The following LRMDA variants were observed in gnomAD, a reference collection of about 807,000 sequenced individuals.
The protein encoded by LRMDA is leucine rich melanocyte differentiation associated, also known as leucine-rich melanocyte differentiation-associated protein.
In LRMDA, 18 loss-of-function variants were observed where a neutral mutation model predicts 29.8. The observed-to-expected ratio is 0.60, with a 90% CI of 0.42 to 0.90. The LOEUF (loss-of-function observed/expected upper bound fraction) is 0.90, where lower values mean the gene tolerates loss of function less well. Among genes scored for constraint, LRMDA ranks in the 40% least tolerant of loss-of-function variants. The probability of loss-of-function intolerance (pLI) is 0.00; values close to 1 mark genes in which losing one functional copy is unlikely to be tolerated. For missense variants in LRMDA, 273 were observed against 273.9 expected (o/e 1.00, Z 0.02); for synonymous variants, 125 against 109.4 (o/e 1.14, Z -0.89).
At chr10:75,452,431 T>C (rs192604248) in intron 2 of LRMDA, among the ~76,000 whole-genome samples, 3 of 152,278 alleles carry the variant, frequency 2.0e-5, no homozygotes, top group Admixed American at 2.0e-4. Context: ...TGTTTTTTCT[T>C]GCAAATTTTA....
At chr10:76,479,738 C>T (rs1842717166) in intron 6 of LRMDA, among the ~76,000 whole-genome samples, 1 of 151,850 alleles carries the variant, frequency 6.6e-6, no homozygotes, top group Non-Finnish European at 1.5e-5. Context: ...TTTCATGTAC[C>T]TAAAAAGAGT....
intron 5 of LRMDA, among the ~76,000 whole-genome samples, chr10:76,140,346 C>T (rs1850176022): frequency 6.6e-6 from 1 of 152,106 alleles, no homozygotes; most frequent in Non-Finnish European, 1.5e-5. Flanking sequence ...ATCTGCAGAA[C>T]AAAATCTGAA....
At chr10:75,701,120 G>A (rs1842303425) in intron 2 of LRMDA, among the ~76,000 whole-genome samples, 1 of 152,166 alleles carries the variant, frequency 6.6e-6, no homozygotes, top group South Asian at 2.1e-4. Context: ...GTGGCATTGG[G>A]AAGGGGAGTC....
At chr10:76,182,496 G>A (rs1206886923) in intron 5 of LRMDA, among the ~76,000 whole-genome samples, 1 of 152,180 alleles carries the variant, frequency 6.6e-6, no homozygotes, top group Admixed American at 6.5e-5. Flanking sequence ...ATGAACAGAC[G>A]ATGCTATTGT....
chr10:76,513,582 G>A (rs1340653662), intron 6 of LRMDA, among the ~76,000 whole-genome samples: 1 of 152,184 alleles, frequency 6.6e-6, no homozygotes, highest in Non-Finnish European at 1.5e-5. Context: ...GGCTTAAGTA[G>A]AGTTTGAATT....
At chr10:75,537,480 A>G (rs957974057) in intron 2 of LRMDA, among the ~76,000 whole-genome samples, 1 of 152,170 alleles carries the variant, frequency 6.6e-6, no homozygotes, top group African/African-American at 2.4e-5. Context: ...GTCAGGATTA[A>G]ATGAGACCCT....
chr10:75,737,783 A>G (rs1365915454), intron 2 of LRMDA, among the ~76,000 whole-genome samples: 3 of 152,192 alleles, frequency 2.0e-5, no homozygotes, highest in African/African-American at 7.2e-5. Flanking sequence ...TAATAGAAAT[A>G]TAATCCTGAA....
chr10:75,855,880 T>C (rs1336123866), intron 2 of LRMDA, among the ~76,000 whole-genome samples: 2 of 152,208 alleles, frequency 1.3e-5, no homozygotes, highest in South Asian at 2.1e-4. Context: ...GTTGTAGATA[T>C]GCGGCATTAT....
intron 5 of LRMDA, among the ~76,000 whole-genome samples, chr10:76,284,700 T>C (rs573748666): frequency 1.3e-5 from 2 of 152,324 alleles, no homozygotes; most frequent in East Asian, 3.9e-4. Flanking sequence ...TCATCTTGAA[T>C]TGTGGCTCCC....
At chr10:75,696,903 G>T (rs1842241964) in intron 2 of LRMDA, among the ~76,000 whole-genome samples, 1 of 152,144 alleles carries the variant, frequency 6.6e-6, no homozygotes, top group African/African-American at 2.4e-5. Context: ...TCCTTCGTTG[G>T]CAGATCTCAG....
chr10:75,432,831 T>C (rs1844217698), intron 1 of LRMDA, among the ~76,000 whole-genome samples: 1 of 152,206 alleles, frequency 6.6e-6, no homozygotes, highest in South Asian at 2.1e-4. Context: ...CAGAGTCCTG[T>C]CGTTTCATCA....
chr10:75,896,027 C>T (rs771254293), intron 2 of LRMDA, among the ~76,000 whole-genome samples: 26 of 152,122 alleles, frequency 1.7e-4, no homozygotes, highest in South Asian at 2.1e-4. Context: ...ATAATAGAAG[C>T]ATCATCCTTA....
At position 75,514,913 on chromosome 10, in the gene LRMDA, G is replaced by A. The variant is rs548411781; in HGVS notation, c.131+76419G>A. Among the ~76,000 whole-genome samples the A allele has an allele frequency of 2.4e-4, 37 of 152,110 alleles. 1 individual carries two copies. The South Asian group carries it at 3.8e-3, about 15-fold the overall frequency. ...AGAGGCTGTGCCTGAAAGGAGTCTC[G>A]GTGAAGGTGACTGGGCCTTTCCGAT... is the stretch of plus-strand genomic sequence containing the variant. On this transcript the variant is annotated intron_variant, in intron 2 of 6. Transcript: ENST00000611255.
intron 5 of LRMDA, among the ~76,000 whole-genome samples, chr10:76,161,328 T>G (rs2132178885): frequency 6.6e-6 from 1 of 152,292 alleles, no homozygotes; most frequent in South Asian, 2.1e-4. Context: ...CACGTTGTAC[T>G]TGAACAGCTT....
chr10:76,114,875 G>T (rs1456628333), intron 5 of LRMDA, among the ~76,000 whole-genome samples: 1 of 152,230 alleles, frequency 6.6e-6, no homozygotes, highest in African/African-American at 2.4e-5. Context: ...GCCAGGGCTT[G>T]CTTGTCCCCC....
intron 2 of LRMDA, among the ~76,000 whole-genome samples, chr10:75,573,303 T>A (rs181280219): frequency 6.6e-6 from 1 of 152,340 alleles, no homozygotes; most frequent in Admixed American, 6.5e-5. Context: ...CTTTATTCAG[T>A]CTAAGAATTC....
At chr10:75,542,424 A>G (rs768082203) in intron 2 of LRMDA, among the ~76,000 whole-genome samples, 2 of 152,124 alleles carry the variant, frequency 1.3e-5, no homozygotes, top group Non-Finnish European at 2.9e-5. Context: ...GTTTCCAGCC[A>G]TCCTGTTTAG....
chr10:75,696,124 A>G (rs910610266), intron 2 of LRMDA, among the ~76,000 whole-genome samples: 1 of 152,252 alleles, frequency 6.6e-6, no homozygotes, highest in Admixed American at 6.5e-5. Flanking sequence ...AACAATGATA[A>G]TTTTAATTTC....
intron 6 of LRMDA, among the ~76,000 whole-genome samples, chr10:76,372,276 T>G (rs921722727): frequency 3.9e-5 from 6 of 152,154 alleles, no homozygotes; most frequent in Non-Finnish European, 8.8e-5. Flanking sequence ...CTGATACTTT[T>G]CCACTGGAGG....
Sources: allele counts gnomAD v4.1 joint callset (sites outside exome capture counted in the v4.1 genomes callset), GRCh38; gene constraint gnomAD v4.1.1; transcripts MANE v1.5; gene names NCBI Gene and HGNC (gene_info 2026-07-23, HGNC 2026-07-21).